Variants in TPO observed in about 807,000 individuals in gnomAD.
The protein encoded by TPO is thyroid peroxidase.
Under a neutral mutation model 96.9 loss-of-function variants are expected in TPO, and 78 were observed. The observed-to-expected ratio is 0.81, with a 90% confidence interval of 0.67 to 0.97. The LOEUF is 0.97. Ranked by LOEUF, TPO falls within the 50% of genes least tolerant of loss-of-function variation. The pLI, the probability that TPO is intolerant of heterozygous loss-of-function variation, is 0.00. For synonymous variants in TPO, 547 were observed against 538.0 expected (o/e 1.02, Z -0.23); for missense variants, 1,252 against 1,274.8 (o/e 0.98, Z 0.27).
chr2:1,461,247 C>T (rs1429262067), intron 7 of TPO, among the ~76,000 whole-genome samples: 1 of 152,160 alleles, frequency 6.6e-6, no homozygotes, highest in Non-Finnish European at 1.5e-5. Flanking sequence ...CACACACCCG[C>T]CCCCAGAGGC....
Position 1,436,131 on chromosome 2 carries a change from C to T in TPO, c.350-121C>T, listed in dbSNP as rs555730885. The T allele has an allele frequency of 2.1e-5, 31 of 1,491,450 alleles. 1 individual carries two copies. In the African/African-American group the frequency reaches 2.9e-4, roughly 14 times the overall value. 92.4% of individuals were successfully genotyped at this position (1,491,450 alleles called of 1,614,324 possible). On this transcript the variant is annotated intron_variant, in intron 4 of 16. Transcript: ENST00000329066. Reference sequence around the variant, plus strand: ...AGGCAGATTTTCTCAAAAACAGTGACCCCAGTTACATATGAATCCCAAATT... The same window carrying T: ...AGGCAGATTTTCTCAAAAACAGTGATCCCAGTTACATATGAATCCCAAATT...
At chr2:1,529,861 T>A (rs1395276525) in intron 15 of TPO, among the ~76,000 whole-genome samples, 1 of 91,106 alleles carries the variant, frequency 1.1e-5, no homozygotes, top group Non-Finnish European at 2.1e-5. Flanking sequence ...CCTCCCAAAA[T>A]TGCCCCCACT....
At chr2:1,391,061 T>C (rs1661992553) in intron 1 of TPO, among the ~76,000 whole-genome samples, 1 of 152,214 alleles carries the variant, frequency 6.6e-6, no homozygotes, top group Admixed American at 6.5e-5. Flanking sequence ...AATTTTGGCT[T>C]TTGTTGCCAT....
At chr2:1,409,295 T>C (rs1286386839), upstream of TPO, among the ~76,000 whole-genome samples, 3 of 152,346 alleles carry the variant, frequency 2.0e-5, no homozygotes, top group African/African-American at 7.2e-5. Context: ...GTTTATTTCC[T>C]GAATTTCAAT....
At chr2:1,437,005 A>G (rs2070880) in intron 5 of TPO, among the ~76,000 whole-genome samples, 3,228 of 152,306 alleles carry the variant, frequency 0.021, 99 homozygotes, top group East Asian at 0.12. Context: ...CCTCTGGTCC[A>G]CAATGGCAGG....
intron 1 of TPO, among the ~76,000 whole-genome samples, chr2:1,374,873 C>G (rs1026828656): frequency 1.3e-5 from 2 of 151,628 alleles, no homozygotes; most frequent in Admixed American, 1.3e-4. Context: ...ACTACAGGCA[C>G]CCGCCACCAC....
At chr2:1,437,325 C>T (rs185046697) in intron 5 of TPO, among the ~76,000 whole-genome samples, 69 of 152,196 alleles carry the variant, frequency 4.5e-4, no homozygotes, top group African/African-American at 1.6e-3. Flanking sequence ...AATAGTGTGG[C>T]GCCAGGATGG....
chr2:1,537,120 C>T (rs1348675376), intron 15 of TPO, among the ~76,000 whole-genome samples: 2 of 125,444 alleles, frequency 1.6e-5, no homozygotes, highest in African/African-American at 6.3e-5. Context: ...CCTAGATCCC[C>T]CCTATGTGCA....
intron 7 of TPO, among the ~76,000 whole-genome samples, chr2:1,472,160 A>G (rs1023191739): frequency 3.3e-5 from 5 of 151,286 alleles, no homozygotes; most frequent in African/African-American, 1.2e-4. Flanking sequence ...CTGTGATCCA[A>G]ATGCTCATGG....
chr2:1,450,453 T>C (rs1481485544), intron 5 of TPO, among the ~76,000 whole-genome samples: 1 of 152,108 alleles, frequency 6.6e-6, no homozygotes, highest in Non-Finnish European at 1.5e-5. Flanking sequence ...CTCATAAAAC[T>C]CTCCTCCAGA....
intron 5 of TPO, among the ~76,000 whole-genome samples, chr2:1,446,233 T>C (rs1666803540): frequency 6.6e-6 from 1 of 152,198 alleles, no homozygotes; most frequent in South Asian, 2.1e-4. Flanking sequence ...ATCACCATAG[T>C]TAGTTTTCCC....
chr2:1,528,508 T>C (rs1323523046), intron 15 of TPO, among the ~76,000 whole-genome samples: 15 of 123,910 alleles, frequency 1.2e-4, no homozygotes, highest in African/African-American at 5.1e-4. Context: ...CTGTGCAATT[T>C]CCCCAAATTC....
intron 15 of TPO, among the ~76,000 whole-genome samples, chr2:1,524,691 C>G (rs1306385969): frequency 7.3e-6 from 1 of 136,650 alleles, no homozygotes; most frequent in African/African-American, 2.7e-5. Context: ...CCCAAATCCC[C>G]CCACTGTGTG....
intron 7 of TPO, among the ~76,000 whole-genome samples, chr2:1,472,798 T>A (rs1669546636): frequency 7.3e-6 from 1 of 137,650 alleles, no homozygotes; most frequent in Admixed American, 7.7e-5. Context: ...GCCTTGTTTT[T>A]TTCTCATTTT....
intron 7 of TPO, among the ~76,000 whole-genome samples, chr2:1,474,650 G>C (rs1000141650): frequency 2.0e-5 from 3 of 152,204 alleles, no homozygotes; most frequent in African/African-American, 7.2e-5. Context: ...TGGAAAAGCT[G>C]TGGTTATTTC....
At chr2:1,486,600 T>C (rs1671189478) in intron 9 of TPO, among the ~76,000 whole-genome samples, 1 of 152,194 alleles carries the variant, frequency 6.6e-6, no homozygotes, top group East Asian at 1.9e-4. Context: ...ATCAGCACCA[T>C]CATCTTTAGA....
At chr2:1,533,362 CCCA>C (rs1678791979) in intron 15 of TPO, among the ~76,000 whole-genome samples, 1 of 127,578 alleles carries the variant, frequency 7.8e-6, no homozygotes, top group Non-Finnish European at 1.6e-5. Flanking sequence ...CCCAAATCCC[CCCA>C]CTGTGTGCAA....
At chr2:1,474,718 C>T (rs191441018) in intron 7 of TPO, among the ~76,000 whole-genome samples, 4 of 152,232 alleles carry the variant, frequency 2.6e-5, no homozygotes, top group Admixed American at 1.3e-4. Context: ...GCCATGAAAC[C>T]GCATATACAG....
At chr2:1,422,466 C>A (rs1663855850) in intron 2 of TPO, among the ~76,000 whole-genome samples, 1 of 84,670 alleles carries the variant, frequency 1.2e-5, no homozygotes. Flanking sequence ...CAATTCATTC[C>A]TTTGGTGAAG....
Sources: allele counts gnomAD v4.1 joint callset (sites outside exome capture counted in the v4.1 genomes callset), GRCh38; gene constraint gnomAD v4.1.1; transcripts MANE v1.5; gene names NCBI Gene and HGNC (gene_info 2026-07-23, HGNC 2026-07-21).